The following OR51I2 variants were observed in gnomAD, a reference collection of about 807,000 sequenced individuals.
OR51I2 encodes the protein olfactory receptor family 51 subfamily I member 2.
OR51I2 carries 6 observed loss-of-function variants against 9.3 expected under a neutral mutation model. That is an observed-to-expected ratio of 0.64 (90% CI 0.35 to 1.27). The LOEUF (loss-of-function observed/expected upper bound fraction) is 1.27. Among genes scored for constraint, OR51I2 ranks in the 50% most tolerant of loss-of-function variants. The pLI is 0.03. For missense variants in OR51I2, 489 were observed against 396.4 expected, an observed-to-expected ratio of 1.23 and a Z score of -1.98; for synonymous variants, 179 against 143.1, an observed-to-expected ratio of 1.25 and a Z score of -1.79.
At chr11:5,452,504 C>CAAAAAAAAAAAAAAAAAAAAAA (rs56677841) in intron 1 of OR51I2, among the ~76,000 whole-genome samples, 2 of 69,188 alleles carry the variant, frequency 2.9e-5, no homozygotes, top group Non-Finnish European at 2.6e-5. Context: ...GACTCTGTCT[C>CAAAAAAAAAAAAAAAAAAAAAA]AAAAAAAAAA....
Position 5,454,263 on chromosome 11 carries a change from T to C in OR51I2, c.775T>C (p.Ser259Pro), listed in dbSNP as rs144245605. ...LAFYVPMIGVSTVHRFGKHVP... is the reference protein window; with the variant it reads ...LAFYVPMIGVPTVHRFGKHVP... ...ATTTTATGTGCCAATGATTGGGGTC[T>C]CCACAGTGCACCGCTTTGGGAAGCA... The change falls in exon 2 of 2, where the codon TCC becomes CCC. Residue 259 changes from serine (S) to proline (P), a missense_variant. Transcript: ENST00000641930. 30 of 1,614,186 alleles carry C rather than the reference T, an allele frequency of 1.9e-5. No homozygotes were observed. In the African/African-American group the frequency reaches 3.6e-4, roughly 19 times the overall value.
chr11:5,450,836 T>C (rs769837648), intron 1 of OR51I2, among the ~76,000 whole-genome samples: 24 of 152,212 alleles, frequency 1.6e-4, no homozygotes, highest in Non-Finnish European at 2.9e-4. Context: ...TTTCTGTTCC[T>C]GTGTTAATTT....
In OR51I2 at chr11:5,456,206, G is replaced by C. The variant is rs1590006739; in HGVS notation, c.*1779G>C. On this transcript the variant is annotated 3_prime_UTR_variant, in exon 2 of 2. Transcript: ENST00000641930. ...ATAGGCCTTACTTAGAAACCCAATG[G>C]TGTAACATAGAAAGGGCAAGGAACA... 6.6e-6 allele frequency: 1 copy of C among 152,174 alleles called. No homozygotes were observed. The highest frequency in any genetic ancestry group is 1.9e-4 in the East Asian group (1 of 5,200). The allele number at this position is 152,174 out of a possible 1,614,324, so 9.4% of individuals were successfully genotyped here.
intron 1 of OR51I2, 125 bp from the exon 2 acceptor site, chr11:5,453,134 C>A: frequency 5.9e-6 from 1 of 169,970 alleles, no homozygotes; most frequent in Non-Finnish European, 1.2e-5. Flanking sequence ...TTGTAGTTAG[C>A]ATATTTCTAT....
In OR51I2 at chr11:5,455,462, T is replaced by C. The variant is rs979627158; in HGVS notation, c.*1035T>C. Reference sequence around the variant, plus strand: ...GCTTCCCTTGATACCAGAGGTAGGATATAGTAAGAAATTCCTTGGTGCTAA... The same window carrying C: ...GCTTCCCTTGATACCAGAGGTAGGACATAGTAAGAAATTCCTTGGTGCTAA... On this transcript the variant is annotated 3_prime_UTR_variant, in exon 2 of 2. Transcript: ENST00000641930. 5 of 150,596 alleles carry C rather than the reference T, an allele frequency of 3.3e-5. No individual in the cohort carries two copies. Among genetic ancestry groups the C allele is most frequent in the African/African-American group, 1.2e-4 (5 of 40,768 alleles). The allele number at this position is 150,596 out of a possible 1,614,324, so 9.3% of individuals were successfully genotyped here.
In OR51I2 at chr11:5,455,615, G is replaced by GAGAA. The variant is rs59337588; in HGVS notation, c.*1191_*1192insAAGA. On this transcript the variant is annotated 3_prime_UTR_variant, in exon 2 of 2. Transcript: ENST00000641930. ...AGAAAGAGAAAAAGAGAAAGAGAAA[G>GAGAA]AGAGAAAGAGAGAGAGAGAGATGCA... is the stretch of plus-strand genomic sequence containing the variant. 4.0e-3 allele frequency: 569 copies of GAGAA among 142,554 alleles called. 5 individuals carry two copies. The highest frequency in any genetic ancestry group is 0.014 in the African/African-American group (537 of 38,894). The allele number at this position is 142,554 out of a possible 1,614,324, so 8.8% of individuals were successfully genotyped here.
At position 5,454,215 on chromosome 11, in the gene OR51I2, T is replaced by C; in HGVS notation, c.727T>C (p.Ser243Pro). 1 of 1,614,182 alleles carries C rather than the reference T, an allele frequency of 6.2e-7. No homozygotes were observed. Reference protein sequence around the residue: ...ERLKALNTCVSHILAVLAFYV... With the variant: ...ERLKALNTCVPHILAVLAFYV... The stretch of plus-strand genomic sequence containing the variant: ...CCTCAAAGCTCTCAACACATGTGTG[T>C]CACATATCCTGGCTGTACTTGCATT... The change falls in exon 2 of 2, where the codon TCA becomes CCA. Residue 243 changes from serine (S) to proline (P), a missense_variant. By Grantham distance (74) the Ser-to-Pro change is moderately conservative (BLOSUM62 -1). Transcript: ENST00000641930.
In OR51I2 at chr11:5,453,711, A is replaced by G; in HGVS notation, c.223A>G (p.Met75Val). 2 of 1,614,026 alleles carry G rather than the reference A, an allele frequency of 1.2e-6. No homozygotes were observed. The highest frequency in any genetic ancestry group is 8.5e-7 in the Non-Finnish European group (1 of 1,179,946). Reference sequence around the variant, plus strand: ...GTCCTTCAGTGATGTGGCCATATCCATGGCCACACTGCCCACTGTACTCCG... The same window carrying G: ...GTCCTTCAGTGATGTGGCCATATCCGTGGCCACACTGCCCACTGTACTCCG... ...MLSFSDVAIS[M>V]ATLPTVLRTF... Residue 75 changes from methionine (M) to valine (V), a missense_variant, in exon 2 of 2, where the codon ATG becomes GTG. By Grantham distance (21) the Met-to-Val change is conservative (BLOSUM62 1). Transcript: ENST00000641930.
At chr11:5,450,691 G>T (rs926447322) in intron 1 of OR51I2, among the ~76,000 whole-genome samples, 1 of 152,144 alleles carries the variant, frequency 6.6e-6, no homozygotes, top group Admixed American at 6.5e-5. Context: ...TGAAATCTTT[G>T]TTCAGAAATG....
chr11:5,452,979 A>C (rs1850880202), intron 1 of OR51I2, among the ~76,000 whole-genome samples: 1 of 152,162 alleles, frequency 6.6e-6, no homozygotes, highest in Non-Finnish European at 1.5e-5. Flanking sequence ...CCAAGCACAC[A>C]ACATGATACA....
intron 1 of OR51I2, among the ~76,000 whole-genome samples, chr11:5,451,794 T>A (rs1039526093): frequency 6.6e-6 from 1 of 152,170 alleles, no homozygotes; most frequent in Non-Finnish European, 1.5e-5. Context: ...AAAACAGCGG[T>A]ATGTAATTCT....
At chr11:5,452,848 G>T (rs1850877783) in intron 1 of OR51I2, among the ~76,000 whole-genome samples, 2 of 152,150 alleles carry the variant, frequency 1.3e-5, no homozygotes, top group Admixed American at 6.5e-5. Context: ...TTGTGCCTTT[G>T]CACAAAAATA....
Position 5,453,541 on chromosome 11 carries a change from C to T in OR51I2, c.53C>T (p.Pro18Leu). 1 of 1,599,690 alleles carries T rather than the reference C, an allele frequency of 6.3e-7. No homozygotes were observed. The highest frequency in any genetic ancestry group is 1.3e-5 in the African/African-American group (1 of 74,524). ...GCATTCTTCCTCCTGACTGGTATCC[C>T]TGGTCTGGAGAGCTCTCACTCCTGG... is the stretch of plus-strand genomic sequence containing the variant. ...HPAFFLLTGI[P>L]GLESSHSWLS... The change falls in exon 2 of 2, where the codon CCT becomes CTT. Residue 18 changes from proline (P) to leucine (L), a missense_variant. Physicochemically the swap from Pro to Leu is moderately conservative, Grantham distance 98. Transcript: ENST00000641930.
rs1850902977 is a variant in OR51I2 at position 5,453,927 on chromosome 11, G to A, written c.439G>A (p.Gly147Ser). The change falls in exon 2 of 2, where the codon GGT (glycine) becomes AGT (serine). Residue 147 changes from glycine (G) to serine (S), a missense_variant. Transcript: ENST00000641930. ...TGAAGTCATTGCTGCAATGGGTTTA[G>A]GTGCAGCTGCTCGAAGCTTCATCAC... ...TTEVIAAMGL[G>S]AAARSFITLF... is the part of the protein sequence containing the mutation. 1.2e-6 allele frequency: 2 copies of A among 1,614,090 alleles called. No individual in the cohort carries two copies. The highest frequency in any genetic ancestry group is 1.7e-5 in the Admixed American group (1 of 60,024).
chr11:5,452,416 G>A (rs1174749108), intron 1 of OR51I2, among the ~76,000 whole-genome samples: 1 of 146,822 alleles, frequency 6.8e-6, no homozygotes, highest in Non-Finnish European at 1.5e-5. Context: ...TGAGGCAGAA[G>A]AATGGCGTGA....
At position 5,453,538 on chromosome 11, in the gene OR51I2, T is replaced by C. The variant is rs773209144; in HGVS notation, c.50T>C (p.Ile17Thr). 77 of 1,597,738 alleles carry C rather than the reference T, an allele frequency of 4.8e-5. No individual in the cohort carries two copies. Among genetic ancestry groups the C allele is most frequent in the Non-Finnish European group, 6.1e-5 (72 of 1,173,406 alleles). ...CCTGCATTCTTCCTCCTGACTGGTA[T>C]CCCTGGTCTGGAGAGCTCTCACTCC... ...THPAFFLLTG[I>T]PGLESSHSWL... Residue 17 changes from isoleucine (I) to threonine (T), a missense_variant, in exon 2 of 2, where the codon ATC becomes ACC. Physicochemically the swap from Ile to Thr is moderately conservative, Grantham distance 89 (BLOSUM62 -1). Coordinates refer to ENST00000641930, the MANE Select transcript of OR51I2 (RefSeq NM_001004754.3).
At position 5,454,118 on chromosome 11, in the gene OR51I2, C is replaced by T. The variant is rs1008756023; in HGVS notation, c.630C>T (p.Asp210=). ...LFVLVSTFGM[D]LFFIFLSYVL... is the part of the protein sequence containing the mutation. ...TTCTTGTATCCACCTTTGGCATGGA[C>T]CTGTTTTTTATCTTCCTCTCCTATG... The change falls in exon 2 of 2, where the codon GAC becomes GAT. Residue 210 remains aspartate, a synonymous_variant. Coordinates refer to ENST00000641930, the MANE Select transcript of OR51I2 (RefSeq NM_001004754.3). The T allele has an allele frequency of 6.2e-7, 1 of 1,614,172 alleles. No individual in the cohort carries two copies. The highest frequency in any genetic ancestry group is 8.5e-7 in the Non-Finnish European group (1 of 1,180,032).
Position 5,453,447 on chromosome 11 carries a change from CAGA to C in OR51I2, c.-38_-36del. The C allele has an allele frequency of 5.6e-6, 8 of 1,417,734 alleles. No individual in the cohort carries two copies. Among genetic ancestry groups the C allele is most frequent in the Non-Finnish European group, 6.6e-6 (7 of 1,056,084 alleles). 87.8% of individuals were successfully genotyped at this position (1,417,734 alleles called of 1,614,324 possible). A position where few individuals can be genotyped will look rare whatever the true frequency, so the allele number is the denominator to read the frequency against. On this transcript the variant is annotated 5_prime_UTR_variant, in exon 2 of 2. Coordinates refer to ENST00000641930, the MANE Select transcript of OR51I2 (RefSeq NM_001004754.3). Reference sequence around the variant, plus strand: ...GTGCAACTGTTAGAATTCTCCAAGTCAGAAGATCTGACTCTGAAAAGTACCCTA... The same window carrying C: ...GTGCAACTGTTAGAATTCTCCAAGTCAGATCTGACTCTGAAAAGTACCCTA...
rs1272583880 is a variant in OR51I2, at chr11:5,453,384, C to T, written c.-105C>T. ...GTTTCCATTTATGTCAACATCATCGCTTTGTCTCTTATCTCCTGATTTCTT... is the reference window on the plus strand; with the variant it reads ...GTTTCCATTTATGTCAACATCATCGTTTTGTCTCTTATCTCCTGATTTCTT... On this transcript the variant is annotated 5_prime_UTR_variant, in exon 2 of 2. Transcript: ENST00000641930. 6.6e-6 allele frequency: 5 copies of T among 757,584 alleles called. No individual in the cohort carries two copies. The highest frequency in any genetic ancestry group is 5.5e-5 in the East Asian group (2 of 36,494). 46.9% of individuals were successfully genotyped at this position (757,584 alleles called of 1,614,324 possible).
Sources: allele counts gnomAD v4.1 joint callset (sites outside exome capture counted in the v4.1 genomes callset), GRCh38; gene constraint gnomAD v4.1.1; transcripts MANE v1.5; gene names NCBI Gene and HGNC (gene_info 2026-07-23, HGNC 2026-07-21).